OR4Q3: variants seen among roughly 807,000 people sequenced by gnomAD.
OR4Q3 encodes olfactory receptor 4Q3.
Under a neutral mutation model 18.8 loss-of-function variants are expected in OR4Q3, and 17 were observed. The ratio of observed to expected loss-of-function variants is 0.91; its 90% confidence interval spans 0.62 to 1.36. The LOEUF is 1.36. Among genes scored for constraint, OR4Q3 ranks in the 40% most tolerant of loss-of-function variants. The pLI, the probability that OR4Q3 is intolerant of heterozygous loss-of-function variation, is 0.00. For missense variants in OR4Q3, 378 were observed against 373.4 expected, an observed-to-expected ratio of 1.01 and a Z score of -0.10; for synonymous variants, 158 against 145.8, an observed-to-expected ratio of 1.08 and a Z score of -0.60.
intron 1 of OR4Q3, 28 bp from the exon 2 acceptor site, chr14:19,747,378 C>T: frequency 8.1e-7 from 1 of 1,233,124 alleles, no homozygotes; most frequent in Non-Finnish European, 1.2e-6. Context: ...CCTTAAATCT[C>T]CCTTGTTCTG....
chr14:19,751,922 A>T, downstream of OR4Q3, among the ~76,000 whole-genome samples: 3 of 152,238 alleles, frequency 2.0e-5, no homozygotes, highest in Non-Finnish European at 4.4e-5. Flanking sequence ...TTCTTCTGCT[A>T]GCTCTGGAGT....
chr14:19,745,241 C>A, intron 1 of OR4Q3, among the ~76,000 whole-genome samples: 40 of 152,272 alleles, frequency 2.6e-4, no homozygotes, highest in Admixed American at 1.1e-3. Context: ...TTAAATCTTA[C>A]TTTAAACAAG....
chr14:19,746,048 G>C, intron 1 of OR4Q3, among the ~76,000 whole-genome samples: 2 of 151,988 alleles, frequency 1.3e-5, no homozygotes, highest in Non-Finnish European at 2.9e-5. Context: ...GTTGTCATTA[G>C]AGGTTTTCAT....
intron 1 of OR4Q3, among the ~76,000 whole-genome samples, chr14:19,746,054 T>C: frequency 6.6e-6 from 1 of 152,030 alleles, no homozygotes; most frequent in East Asian, 1.9e-4. Flanking sequence ...ATTAGAGGTT[T>C]TCATTTTTAG....
chr14:19,752,074 C>A, downstream of OR4Q3, among the ~76,000 whole-genome samples: 1 of 152,128 alleles, frequency 6.6e-6, no homozygotes, highest in Non-Finnish European at 1.5e-5. Context: ...AAATCCTAGA[C>A]CAAAATCTAG....
At chr14:19,748,716 GATATA>G in exon 2 of OR4Q3, 8 of 232,222 alleles carry the variant, frequency 3.4e-5, no homozygotes, top group Middle Eastern at 1.3e-3. Context: ...AATGAAAGAA[GATATA>G]TCTCTTTTTG....
downstream of OR4Q3, among the ~76,000 whole-genome samples, chr14:19,751,366 T>C: frequency 6.6e-6 from 1 of 152,340 alleles, no homozygotes; most frequent in Non-Finnish European, 1.5e-5. Flanking sequence ...TCTGCCAGAT[T>C]TTGGTATTAA....
intron 1 of OR4Q3, 96 bp from the exon 2 acceptor site, chr14:19,747,309 AT>A: frequency 5.6e-5 from 31 of 548,766 alleles, no homozygotes; most frequent in Non-Finnish European, 8.6e-5. Flanking sequence ...TGCTAAAATA[AT>A]TTTTATGTAA....
chr14:19,748,530 G>A lies in OR4Q3; in HGVS notation c.*161G>A. ...TCTTGATTACAATTTAAAAGCATAGGTGGCACTCTAGAAAGCCACCTATGC... is the reference window on the plus strand; with the variant it reads ...TCTTGATTACAATTTAAAAGCATAGATGGCACTCTAGAAAGCCACCTATGC... On this transcript the variant is annotated 3_prime_UTR_variant, in exon 2 of 2. Transcript: ENST00000642117. 7.8e-6 allele frequency: 5 copies of A among 637,010 alleles called. No individual in the cohort carries two copies. The East Asian group carries it at 1.1e-4, about 14-fold the overall frequency. 39.5% of individuals were successfully genotyped at this position (637,010 alleles called of 1,614,324 possible). A position where few individuals can be genotyped will look rare whatever the true frequency, so the allele number is the denominator to read the frequency against.
At chr14:19,747,948 A>G in exon 2 of OR4Q3, 1 of 1,614,074 alleles carries the variant, frequency 6.2e-7, no homozygotes, top group East Asian at 2.2e-5. Context: ...GGGCCCAATG[A>G]ACTGGACAAC....
At chr14:19,745,344 T>C in intron 1 of OR4Q3, among the ~76,000 whole-genome samples, 1 of 152,206 alleles carries the variant, frequency 6.6e-6, no homozygotes, top group African/African-American at 2.4e-5. Flanking sequence ...ATCCTTCTGA[T>C]TTATTTAATT....
At chr14:19,743,696 CA>C (rs1477511666) in intron 1 of OR4Q3, 25 bp downstream of exon 1, 2 of 152,326 alleles carry the variant, frequency 1.3e-5, no homozygotes, top group South Asian at 2.1e-4. Flanking sequence ...TATGTTTATT[CA>C]AAACTCCCCT....
chr14:19,752,234 A>G, downstream of OR4Q3, among the ~76,000 whole-genome samples: 6 of 152,354 alleles, frequency 3.9e-5, no homozygotes, highest in East Asian at 7.7e-4. Context: ...GAAACAGACA[A>G]CTTACCGAAT....
chr14:19,749,604 CAAAAAAAAAAAAAAA>C, downstream of OR4Q3: 19 of 34,572 alleles, frequency 5.5e-4, no homozygotes, highest in African/African-American at 7.1e-4. Flanking sequence ...GGTCTCAAAG[CAAAAAAAAAAAAAAA>C]AAAAAAAAAA....
Position 19,747,976 on chromosome 14 carries a change from A to G in OR4Q3, c.573A>G (p.Pro191=). Residue 191 remains proline (P), a synonymous_variant, in exon 2 of 2, where the codon CCA becomes CCG. Transcript: ENST00000642117. ...TGGACAACTTCTACTGTGATGTCCCACAAGTCATCAAGCTGGCCTGCATGG... is the reference window on the plus strand; with the variant it reads ...TGGACAACTTCTACTGTGATGTCCCGCAAGTCATCAAGCTGGCCTGCATGG... The G allele has an allele frequency of 7.4e-6, 12 of 1,613,942 alleles. No homozygotes were observed. The Admixed American group carries it at 2.0e-4, about 27-fold the overall frequency.
chr14:19,745,754 T>C, intron 1 of OR4Q3, among the ~76,000 whole-genome samples: 1 of 152,232 alleles, frequency 6.6e-6, no homozygotes, highest in Admixed American at 6.5e-5. Flanking sequence ...GATTAGAGAA[T>C]TTTCAATATA....
At chr14:19,746,119 G>A in intron 1 of OR4Q3, among the ~76,000 whole-genome samples, 3 of 151,872 alleles carry the variant, frequency 2.0e-5, no homozygotes, top group African/African-American at 7.3e-5. Context: ...TAGTATGAAG[G>A]ATTTTATTGG....
chr14:19,747,429 T>C, exon 2 of OR4Q3: 8 of 1,592,362 alleles, frequency 5.0e-6, no homozygotes, highest in South Asian at 2.3e-5. Flanking sequence ...CTTGGCTTGA[T>C]GAAAAAAGAA....
downstream of OR4Q3, among the ~76,000 whole-genome samples, chr14:19,752,044 T>C: frequency 6.6e-6 from 1 of 152,252 alleles, no homozygotes; most frequent in Admixed American, 6.5e-5. Context: ...AAGATTTAAA[T>C]ATAAGACCAC....
Sources: allele counts gnomAD v4.1 joint callset (sites outside exome capture counted in the v4.1 genomes callset), GRCh38; gene constraint gnomAD v4.1.1; transcripts MANE v1.5; gene names NCBI Gene and HGNC (gene_info 2026-07-23, HGNC 2026-07-21).